Variants in SLC7A10 observed in about 807,000 individuals in gnomAD.
SLC7A10 encodes the protein asc-type amino acid transporter 1.
SLC7A10 carries 30 observed loss-of-function variants against 52.7 expected under a neutral mutation model. The ratio of observed to expected loss-of-function variants is 0.57; its 90% confidence interval spans 0.43 to 0.77. The LOEUF (loss-of-function observed/expected upper bound fraction) is 0.77. Among genes scored for constraint, SLC7A10 ranks in the 30% least tolerant of loss-of-function variants. The pLI is 0.00. For synonymous variants in SLC7A10, 318 were observed against 314.9 expected, an observed-to-expected ratio of 1.01 and a Z score of -0.10; for missense variants, 581 against 698.5, an observed-to-expected ratio of 0.83 and a Z score of 1.90.
At position 33,210,259 on chromosome 19, in the gene SLC7A10, C is replaced by T. The variant is rs767851843; in HGVS notation, c.1263+208G>A. 1.1e-4 allele frequency among the ~76,000 whole-genome samples: 16 copies of T among 152,272 alleles called. No individual in the cohort carries two copies. The highest frequency in any genetic ancestry group is 2.1e-4 in the Non-Finnish European group (14 of 68,008). On this transcript the variant is annotated intron_variant, in intron 9 of 10. Coordinates refer to ENST00000253188, the MANE Select transcript of SLC7A10 (RefSeq NM_019849.3). The surrounding 1 kb of genome is among the most constrained non-coding windows in gnomAD (Gnocchi z 5.6). ...TGTGCCCAGTCCTGAGCCTCATTTT[C>T]GCCATCTGTACACTGGGAGCATTCA...
chr19:33,216,800 G>A (rs7508758), intron 1 of SLC7A10, among the ~76,000 whole-genome samples: 48,566 of 152,058 alleles, frequency 0.32, 10,326 homozygotes, highest in Non-Finnish European at 0.48. Flanking sequence ...GGCTGGTCTC[G>A]AACTCCTGAC....
intron 1 of SLC7A10, among the ~76,000 whole-genome samples, chr19:33,225,347 G>T (rs1050222249): frequency 6.6e-6 from 1 of 152,238 alleles, no homozygotes; most frequent in African/African-American, 2.4e-5. Context: ...CCAGGTGCAG[G>T]CGGCCGGGAG....
In SLC7A10 at chr19:33,210,976, G is replaced by A. The variant is rs537574146; in HGVS notation, c.1017-78C>T. 2.3e-5 allele frequency: 32 copies of A among 1,384,050 alleles called. No homozygotes were observed. The East Asian group carries it at 4.7e-4, about 20-fold the overall frequency. 85.7% of individuals were successfully genotyped at this position (1,384,050 alleles called of 1,614,324 possible). A position where few individuals can be genotyped will look rare whatever the true frequency, so the allele number is the denominator to read the frequency against. Reference sequence around the variant, plus strand: ...GACCTGATGTCCCTCTTAAGCTGTCGCCTCTGACCTCCTGCTCCGGGCCCA... The same window carrying A: ...GACCTGATGTCCCTCTTAAGCTGTCACCTCTGACCTCCTGCTCCGGGCCCA... On this transcript the variant is annotated intron_variant, in intron 7 of 10. Transcript: ENST00000253188. This position sits in a 1 kb window ranked among gnomAD's most constrained non-coding sequence, Gnocchi z 5.6.
intron 1 of SLC7A10, 111 bp from the exon 2 acceptor site, chr19:33,216,084 G>T: frequency 1.1e-6 from 1 of 927,364 alleles, no homozygotes; most frequent in Non-Finnish European, 1.6e-6. Flanking sequence ...GGTGCTTCCC[G>T]GAGGAGGAGG....
chr19:33,218,672 T>TCCTCCTTCCTTCCTTCCTTCCTTC (rs1568394176), intron 1 of SLC7A10, among the ~76,000 whole-genome samples: 1 of 66,674 alleles, frequency 1.5e-5, no homozygotes, highest in Non-Finnish European at 3.5e-5. Flanking sequence ...TTTCTTTCTT[T>TCCTCCTTCCTTCCTTCCTTCCTTC]CTTTCTTTCT....
chr19:33,221,745 T>C (rs534098296), intron 1 of SLC7A10, among the ~76,000 whole-genome samples: 2 of 152,234 alleles, frequency 1.3e-5, no homozygotes, highest in Admixed American at 6.5e-5. Flanking sequence ...CCTGAGTCAC[T>C]GAACACACAT....
intron 10 of SLC7A10, 142 bp downstream of exon 10, chr19:33,209,166 A>T: frequency 6.5e-7 from 1 of 1,527,242 alleles, no homozygotes. Flanking sequence ...ACATCTTGGG[A>T]AGAGACATTT....
At chr19:33,215,650 A>G in intron 2 of SLC7A10, 119 bp downstream of exon 2, 2 of 723,480 alleles carry the variant, frequency 2.8e-6, no homozygotes, top group Middle Eastern at 5.2e-4. Flanking sequence ...CCTTCTCTCC[A>G]TCCACCCCCA....
chr19:33,211,157 G>A (rs1382847652), intron 7 of SLC7A10, 68 bp downstream of exon 7: 4 of 1,473,784 alleles, frequency 2.7e-6, no homozygotes, highest in Non-Finnish European at 2.8e-6. Context: ...TCTGGCCCAC[G>A]GCATGACTGG....
At chr19:33,222,108 G>A (rs957946572) in intron 1 of SLC7A10, among the ~76,000 whole-genome samples, 38 of 152,292 alleles carry the variant, frequency 2.5e-4, no homozygotes, top group African/African-American at 9.1e-4. Flanking sequence ...ACAGTATAAA[G>A]GGCACTGGGA....
intron 9 of SLC7A10, among the ~76,000 whole-genome samples, chr19:33,209,740 A>T (rs1407607403): frequency 1.3e-5 from 2 of 152,130 alleles, no homozygotes; most frequent in East Asian, 3.9e-4. Flanking sequence ...TTGCGTGTGG[A>T]CTTGAGGCTT....
chr19:33,215,583 A>ACCCCCACACCTTCTCTCCATCCAC (rs1568391478), intron 2 of SLC7A10, among the ~76,000 whole-genome samples, 186 bp downstream of exon 2: 172 of 106,358 alleles, frequency 1.6e-3, no homozygotes, highest in Non-Finnish European at 2.3e-3. Flanking sequence ...GCTGTCCAGC[A>ACCCCCACACCTTCTCTCCATCCAC]CCCCCACACC....
intron 2 of SLC7A10, among the ~76,000 whole-genome samples, chr19:33,214,382 G>A (rs1412070254): frequency 6.6e-6 from 1 of 152,148 alleles, no homozygotes; most frequent in African/African-American, 2.4e-5. Context: ...GGAAGTGGGT[G>A]CCACCTCCGC....
At chr19:33,221,517 T>G (rs1203032689) in intron 1 of SLC7A10, among the ~76,000 whole-genome samples, 1 of 152,192 alleles carries the variant, frequency 6.6e-6, no homozygotes, top group Non-Finnish European at 1.5e-5. Context: ...GTTGCCTCAG[T>G]TTCCTCACCT....
In SLC7A10 at chr19:33,210,403, C is replaced by T; in HGVS notation, c.1263+64G>A. The T allele has an allele frequency of 1.3e-6, 2 of 1,532,202 alleles. No homozygotes were observed. Among genetic ancestry groups the T allele is most frequent in the African/African-American group, 1.4e-5 (1 of 73,170 alleles). 94.9% of individuals were successfully genotyped at this position (1,532,202 alleles called of 1,614,324 possible). A position where few individuals can be genotyped will look rare whatever the true frequency, so the allele number is the denominator to read the frequency against. On this transcript the variant is annotated intron_variant, in intron 9 of 10. Coordinates refer to ENST00000253188, the MANE Select transcript of SLC7A10 (RefSeq NM_019849.3). This position sits in a 1 kb window ranked among gnomAD's most constrained non-coding sequence, Gnocchi z 5.6. ...TCCCATCCCACCTGCCCCTGGTGCCCACTGTGGATGCAGGGGTGGCTCTGG... is the reference window on the plus strand; with the variant it reads ...TCCCATCCCACCTGCCCCTGGTGCCTACTGTGGATGCAGGGGTGGCTCTGG...
chr19:33,221,548 G>C (rs1315766494), intron 1 of SLC7A10, among the ~76,000 whole-genome samples: 1 of 152,154 alleles, frequency 6.6e-6, no homozygotes, highest in Admixed American at 6.5e-5. Flanking sequence ...CTGTAGTGGG[G>C]AACAGCTAAG....
intron 2 of SLC7A10, 148 bp from the exon 3 acceptor site, chr19:33,213,150 G>T: frequency 9.7e-7 from 1 of 1,032,974 alleles, no homozygotes. Flanking sequence ...AGGGAGGCAG[G>T]GTTGACCTTG....
intron 1 of SLC7A10, among the ~76,000 whole-genome samples, chr19:33,224,418 G>A (rs1974879142): frequency 1.3e-5 from 2 of 152,136 alleles, no homozygotes; most frequent in Non-Finnish European, 2.9e-5. Flanking sequence ...GACCTGGCCA[G>A]GGGCTGTGTT....
chr19:33,222,460 AAAATAAAT>A (rs1346854006), intron 1 of SLC7A10, among the ~76,000 whole-genome samples: 1 of 92,900 alleles, frequency 1.1e-5, no homozygotes, highest in Non-Finnish European at 2.4e-5. Flanking sequence ...AAAATAAAAT[AAAATAAAT>A]AAAATAAAAT....
Sources: gnomAD v4.1 joint callset for allele counts (sites outside exome capture counted in the v4.1 genomes callset) on GRCh38, gnomAD v4.1.1 for gene constraint, Gnocchi (gnomAD v3.1) non-coding constraint, MANE v1.5 for transcripts, NCBI Gene and HGNC (gene_info 2026-07-23, HGNC 2026-07-21) for gene names.